Variants in CAMTA1 observed in about 807,000 individuals in gnomAD.
The protein encoded by CAMTA1 is calmodulin binding transcription activator 1.
In CAMTA1, 27 loss-of-function variants were observed where a neutral mutation model predicts 170.9. The observed-to-expected ratio is 0.16, with a 90% CI of 0.12 to 0.22. CAMTA1 has a LOEUF of 0.22. Ranked by LOEUF, CAMTA1 falls within the 10% of genes least tolerant of loss-of-function variation. The pLI is 1.00. For synonymous variants in CAMTA1, 833 were observed against 891.5 expected (o/e 0.93, Z 1.17); for missense variants, 1,619 against 2,217.2 (o/e 0.73, Z 5.42).
chr1:7,032,925 A>T (rs78197799), intron 3 of CAMTA1, among the ~76,000 whole-genome samples: 1 of 152,032 alleles, frequency 6.6e-6, no homozygotes, highest in Admixed American at 6.5e-5. Context: ...GTCTGCAGTT[A>T]TTCATATCTT....
At chr1:7,151,729 G>T (rs182399053) in intron 4 of CAMTA1, among the ~76,000 whole-genome samples, 431 of 152,344 alleles carry the variant, frequency 2.8e-3, no homozygotes, top group Non-Finnish European at 4.4e-3. Context: ...ATGGCAGGCT[G>T]CTGGTGCTCC....
At chr1:6,861,199 G>A (rs746485302) in intron 3 of CAMTA1, among the ~76,000 whole-genome samples, 4 of 152,006 alleles carry the variant, frequency 2.6e-5, no homozygotes, top group Non-Finnish European at 4.4e-5. Flanking sequence ...CAAGCGATCC[G>A]CCCGCCTTGG....
intron 5 of CAMTA1, among the ~76,000 whole-genome samples, chr1:7,373,678 T>C (rs1181132352): frequency 6.6e-6 from 1 of 152,196 alleles, no homozygotes; most frequent in Non-Finnish European, 1.5e-5. Context: ...TGGAGAGCAA[T>C]ATTAGTCTTT....
intron 16 of CAMTA1, among the ~76,000 whole-genome samples, chr1:7,740,437 G>C (rs116200733): frequency 6.6e-6 from 1 of 152,278 alleles, no homozygotes; most frequent in African/African-American, 2.4e-5. Flanking sequence ...ACCCACACCA[G>C]ACACCAAAAC....
At chr1:6,869,468 A>G (rs1667759511) in intron 3 of CAMTA1, among the ~76,000 whole-genome samples, 1 of 152,220 alleles carries the variant, frequency 6.6e-6, no homozygotes, top group Non-Finnish European at 1.5e-5. Context: ...ACTCAGAATC[A>G]GCTCTTTGTT....
chr1:7,716,528 A>G (rs186432515), intron 11 of CAMTA1, among the ~76,000 whole-genome samples: 7 of 152,320 alleles, frequency 4.6e-5, no homozygotes, highest in African/African-American at 4.8e-5. Context: ...CATTATAATT[A>G]ATAAACTTGT....
rs1047111314 is a variant in CAMTA1, at chr1:7,044,945, C to T, written c.235-46359C>T. Reference sequence around the variant, plus strand: ...AAAAACTCATACTTGTTTCTATGGGCTTCCTATGTTTCTTTGGAAGCAGCC... The same window carrying T: ...AAAAACTCATACTTGTTTCTATGGGTTTCCTATGTTTCTTTGGAAGCAGCC... On this transcript the variant is annotated intron_variant, in intron 3 of 22. Transcript: ENST00000303635. The surrounding 1 kb of genome is among the most constrained non-coding windows in gnomAD (Gnocchi z 5.0). Among the ~76,000 whole-genome samples the T allele has an allele frequency of 2.0e-5, 3 of 151,992 alleles. No homozygotes were observed. The highest frequency in any genetic ancestry group is 6.6e-5 in the Admixed American group (1 of 15,264).
At position 7,767,563 on chromosome 1, in the gene CAMTA1, T is replaced by A. The variant is rs2097030809; in HGVS notation, c.*1072T>A. 1 of 152,748 alleles carries A rather than the reference T, an allele frequency of 6.5e-6. No individual in the cohort carries two copies. The highest frequency in any genetic ancestry group is 1.5e-5 in the Non-Finnish European group (1 of 68,032). The allele number at this position is 152,748 out of a possible 1,614,324, so 9.5% of individuals were successfully genotyped here. On this transcript the variant is annotated 3_prime_UTR_variant, in exon 23 of 23. Coordinates refer to ENST00000303635, the MANE Select transcript of CAMTA1 (RefSeq NM_015215.4). ...AATATTTGAAAGGGATTATATTAAT[T>A]GCTAAATATTTTATTCACAAAGGTC...
chr1:7,566,192 T>A (rs1156848182), intron 6 of CAMTA1, among the ~76,000 whole-genome samples: 3 of 152,160 alleles, frequency 2.0e-5, no homozygotes, highest in Non-Finnish European at 2.9e-5. Flanking sequence ...AGACAAGGGA[T>A]CTGGTGCGAG....
At chr1:7,388,837 A>G (rs894862207) in intron 5 of CAMTA1, among the ~76,000 whole-genome samples, 1 of 152,200 alleles carries the variant, frequency 6.6e-6, no homozygotes, top group African/African-American at 2.4e-5. Flanking sequence ...CACGGAGACC[A>G]GTGCTGGAAG....
chr1:7,411,127 T>C (rs1185900523), intron 5 of CAMTA1, among the ~76,000 whole-genome samples: 2 of 152,184 alleles, frequency 1.3e-5, no homozygotes, highest in East Asian at 3.9e-4. Flanking sequence ...GCTATTATCT[T>C]GCTCTGTTCC....
At chr1:7,383,562 G>T (rs765983628) in intron 5 of CAMTA1, among the ~76,000 whole-genome samples, 10 of 152,168 alleles carry the variant, frequency 6.6e-5, no homozygotes, top group Non-Finnish European at 1.5e-4. Context: ...GCATTAAAAT[G>T]CATTACAACA....
chr1:7,024,039 A>AT (rs1413334599), intron 3 of CAMTA1, among the ~76,000 whole-genome samples: 1 of 151,224 alleles, frequency 6.6e-6, no homozygotes, highest in Non-Finnish European at 1.5e-5. Flanking sequence ...AAAAAAAAAA[A>AT]AAAAAAGAAA....
chr1:7,715,347 A>G (rs3011937), intron 11 of CAMTA1, among the ~76,000 whole-genome samples: 73,115 of 151,900 alleles, frequency 0.48, 17,715 homozygotes, highest in East Asian at 0.65. Context: ...CATTCCGTCA[A>G]CCACTTGGGG....
At chr1:7,302,913 T>G (rs1258948831) in intron 5 of CAMTA1, among the ~76,000 whole-genome samples, 5 of 152,148 alleles carry the variant, frequency 3.3e-5, no homozygotes, top group Non-Finnish European at 7.4e-5. Flanking sequence ...ATGAACAAAT[T>G]ACCAGGCAAT....
At chr1:6,850,441 T>C (rs1346973142) in intron 3 of CAMTA1, among the ~76,000 whole-genome samples, 4 of 152,126 alleles carry the variant, frequency 2.6e-5, no homozygotes, top group Admixed American at 2.6e-4. Flanking sequence ...TCCAAAATTT[T>C]GATAAAATGA....
At chr1:7,677,272 G>C (rs1244796861) in intron 10 of CAMTA1, among the ~76,000 whole-genome samples, 1 of 152,212 alleles carries the variant, frequency 6.6e-6, no homozygotes, top group South Asian at 2.1e-4. Context: ...CCATGAGGCA[G>C]GGATGGGGGC....
chr1:7,069,408 C>A (rs1465991194), intron 3 of CAMTA1, among the ~76,000 whole-genome samples: 1 of 152,172 alleles, frequency 6.6e-6, no homozygotes, highest in African/African-American at 2.4e-5. Flanking sequence ...CTCCTTCCAT[C>A]GGGATCACAG....
At chr1:7,157,676 C>G (rs894434993) in intron 4 of CAMTA1, among the ~76,000 whole-genome samples, 1 of 152,160 alleles carries the variant, frequency 6.6e-6, no homozygotes, top group Non-Finnish European at 1.5e-5. Context: ...CATGACCCAG[C>G]AATTCCTCTC....
Sources: allele counts gnomAD v4.1 joint callset (sites outside exome capture counted in the v4.1 genomes callset), GRCh38; gene constraint gnomAD v4.1.1; non-coding constraint Gnocchi (gnomAD v3.1); transcripts MANE v1.5; gene names NCBI Gene and HGNC (gene_info 2026-07-23, HGNC 2026-07-21).